SNX9: variants seen among roughly 807,000 people sequenced by gnomAD.
SNX9 encodes sorting nexin 9, also known as sorting nexin-9.
SNX9 carries 44 observed loss-of-function variants against 89.4 expected under a neutral mutation model. That is an observed-to-expected ratio of 0.49 (90% CI 0.39 to 0.63). The LOEUF (loss-of-function observed/expected upper bound fraction) is 0.63, where lower values mean the gene tolerates loss of function less well. Among genes scored for constraint, SNX9 ranks in the 30% least tolerant of loss-of-function variants. SNX9 has a pLI of 0.00. For synonymous variants in SNX9, 236 were observed against 247.8 expected, an observed-to-expected ratio of 0.95 and a Z score of 0.45; for missense variants, 578 against 736.1, an observed-to-expected ratio of 0.79 and a Z score of 2.49.
rs116317333 is a variant in SNX9 at position 157,825,319 on chromosome 6, G to T, written c.12+1873G>T. On this transcript the variant is annotated intron_variant, in intron 1 of 17. Coordinates refer to ENST00000392185, the MANE Select transcript of SNX9 (RefSeq NM_016224.5). Reference sequence around the variant, plus strand: ...ATGACATAGAGATCTGTCTAGTGGTGGTCAGTGTGTTTTTACACTCTGGTC... The same window carrying T: ...ATGACATAGAGATCTGTCTAGTGGTTGTCAGTGTGTTTTTACACTCTGGTC... 4.9e-3 allele frequency among the ~76,000 whole-genome samples: 743 copies of T among 152,254 alleles called. 7 individuals are homozygous for T. The highest frequency in any genetic ancestry group is 0.017 in the African/African-American group (713 of 41,524).
At chr6:157,844,598 T>TG (rs1395063055) in intron 1 of SNX9, among the ~76,000 whole-genome samples, 4 of 139,228 alleles carry the variant, frequency 2.9e-5, no homozygotes, top group African/African-American at 8.6e-5. Flanking sequence ...TTTTTTTTTT[T>TG]TGTTTTTTTT....
In SNX9 at chr6:157,928,581, G is replaced by A. The variant is rs763010781; in HGVS notation, c.1185-18G>A. 8 of 1,587,552 alleles carry A rather than the reference G, an allele frequency of 5.0e-6. No individual in the cohort carries two copies. The highest frequency in any genetic ancestry group is 4.6e-5 in the South Asian group (4 of 86,888). On this transcript the variant is annotated intron_variant, in intron 11 of 17. Transcript: ENST00000392185. The stretch of plus-strand genomic sequence containing the variant: ...TGTTTCTCCTGCTTATGTGACTGAC[G>A]GCCGCCTTCACCCACAGAGAGCAGA...
At chr6:157,848,139 G>A (rs1781839669) in intron 1 of SNX9, among the ~76,000 whole-genome samples, 1 of 152,210 alleles carries the variant, frequency 6.6e-6, no homozygotes, top group Non-Finnish European at 1.5e-5. Flanking sequence ...CAATGCTTCT[G>A]AGAGAAGGAG....
At chr6:157,829,824 CTGATCTTGG>C (rs1781448750) in intron 1 of SNX9, among the ~76,000 whole-genome samples, 2 of 152,060 alleles carry the variant, frequency 1.3e-5, no homozygotes, top group Non-Finnish European at 2.9e-5. Flanking sequence ...TTTATCCAGT[CTGATCTTGG>C]TGCCTGCCTG....
intron 10 of SNX9, among the ~76,000 whole-genome samples, chr6:157,923,083 C>T (rs1324418336): frequency 1.3e-5 from 2 of 151,826 alleles, no homozygotes; most frequent in Non-Finnish European, 1.5e-5. Context: ...TTTTAAATGC[C>T]ACCTTCAAAG....
chr6:157,840,262 C>T (rs139679306), intron 1 of SNX9, among the ~76,000 whole-genome samples: 2,598 of 151,952 alleles, frequency 0.017, 39 homozygotes, highest in Non-Finnish European at 0.028. Flanking sequence ...CACAGTGAGG[C>T]CAGAGCTGAG....
Position 157,897,050 on chromosome 6 carries a change from G to A in SNX9, c.472+52G>A, listed in dbSNP as rs539064269. ...CCTGCCCGCCCATGGCTGAGTGGGA[G>A]AGACAGGGAAGACCGAACTGTTTTT... On this transcript the variant is annotated intron_variant, in intron 5 of 17. Coordinates refer to ENST00000392185, the MANE Select transcript of SNX9 (RefSeq NM_016224.5). The A allele has an allele frequency of 3.1e-5, 46 of 1,504,634 alleles. No individual in the cohort carries two copies. The South Asian group carries it at 6.2e-4, about 20-fold the overall frequency. 93.2% of individuals were successfully genotyped at this position (1,504,634 alleles called of 1,614,324 possible).
chr6:157,897,025 C>G (rs377668426), intron 5 of SNX9, 27 bp downstream of exon 5: 6 of 1,545,946 alleles, frequency 3.9e-6, no homozygotes, highest in Non-Finnish European at 5.2e-6. Flanking sequence ...AAGGTCCCAC[C>G]CTGCCCGCCC....
At chr6:157,850,259 C>CA (rs1413697562) in intron 1 of SNX9, among the ~76,000 whole-genome samples, 1 of 152,094 alleles carries the variant, frequency 6.6e-6, no homozygotes, top group African/African-American at 2.4e-5. Context: ...TCAGTGGTGT[C>CA]AGTGTGGGCA....
chr6:157,919,811 T>C (rs749428287), intron 9 of SNX9, among the ~76,000 whole-genome samples: 5 of 152,242 alleles, frequency 3.3e-5, no homozygotes, highest in Admixed American at 6.5e-5. Flanking sequence ...TGTTGAAAAC[T>C]GGACATTTTT....
At chr6:157,825,955 A>G (rs1220174093) in intron 1 of SNX9, among the ~76,000 whole-genome samples, 1 of 151,956 alleles carries the variant, frequency 6.6e-6, no homozygotes, top group Non-Finnish European at 1.5e-5. Flanking sequence ...GGCTGTTGCT[A>G]TAAGTATTAA....
At chr6:157,895,240 A>G (rs1782955170) in intron 4 of SNX9, among the ~76,000 whole-genome samples, 1 of 152,216 alleles carries the variant, frequency 6.6e-6, no homozygotes, top group South Asian at 2.1e-4. Context: ...ACTGGCTTTA[A>G]GGCCTGCAGT....
chr6:157,826,202 TA>T (rs1331163874), intron 1 of SNX9, among the ~76,000 whole-genome samples: 1 of 152,102 alleles, frequency 6.6e-6, no homozygotes, highest in Non-Finnish European at 1.5e-5. Context: ...CCTTCACTGC[TA>T]AAGAAAGTTA....
chr6:157,875,291 C>T (rs35213314), intron 4 of SNX9, 115 bp downstream of exon 4: 89,926 of 1,363,560 alleles, frequency 0.066, 3,275 homozygotes, highest in South Asian at 0.1. Flanking sequence ...AAAACAAAGT[C>T]GCTTTTAGGT....
chr6:157,885,293 T>C (rs1247872373), intron 4 of SNX9: 1 of 152,164 alleles, frequency 6.6e-6, no homozygotes, highest in Admixed American at 6.6e-5. Flanking sequence ...TCTACCTTCA[T>C]TTTTAGAAGA....
At chr6:157,840,932 C>T (rs1781691239) in intron 1 of SNX9, among the ~76,000 whole-genome samples, 1 of 152,194 alleles carries the variant, frequency 6.6e-6, no homozygotes, top group African/African-American at 2.4e-5. Context: ...GCCACATAGA[C>T]ATAAGCAAAG....
intron 10 of SNX9, among the ~76,000 whole-genome samples, chr6:157,921,888 A>G (rs888445519): frequency 2.0e-5 from 3 of 152,210 alleles, no homozygotes; most frequent in African/African-American, 7.2e-5. Flanking sequence ...GGTTGGCTCA[A>G]GATGGGCAGG....
At chr6:157,826,502 GAAA>G (rs760974913) in intron 1 of SNX9, among the ~76,000 whole-genome samples, 1 of 78,032 alleles carries the variant, frequency 1.3e-5, no homozygotes. Context: ...TCCATCTCAA[GAAA>G]AAAAAAAAAA....
At chr6:157,931,548 A>G (rs955147048) in intron 12 of SNX9, among the ~76,000 whole-genome samples, 1 of 151,912 alleles carries the variant, frequency 6.6e-6, no homozygotes, top group Non-Finnish European at 1.5e-5. Context: ...TTAGCACCTT[A>G]AAAAGAAACC....
Sources: allele counts gnomAD v4.1 joint callset (sites outside exome capture counted in the v4.1 genomes callset), GRCh38; gene constraint gnomAD v4.1.1; transcripts MANE v1.5; gene names NCBI Gene and HGNC (gene_info 2026-07-23, HGNC 2026-07-21).